The following GNG11 variants were observed in gnomAD, a reference collection of about 807,000 sequenced individuals.
GNG11 encodes G protein subunit gamma 11, also known as guanine nucleotide-binding protein G(I)/G(S)/G(O) subunit gamma-11.
In GNG11, 6 loss-of-function variants were observed where a neutral mutation model predicts 7.4. The ratio of observed to expected loss-of-function variants is 0.81; its 90% CI spans 0.44 to 1.60. The LOEUF (loss-of-function observed/expected upper bound fraction) is 1.60. Among genes scored for constraint, GNG11 ranks in the 40% most tolerant of loss-of-function variants. GNG11 has a pLI of 0.01. For missense variants in GNG11, 65 were observed against 83.0 expected (o/e 0.78, Z 0.84); for synonymous variants, 31 against 25.9 (o/e 1.20, Z -0.60).
In GNG11 at chr7:93,926,619, A is replaced by C. The variant is rs1794683530; in HGVS notation, c.*403A>C. 1 of 154,064 alleles carries C rather than the reference A, an allele frequency of 6.5e-6. No individual in the cohort carries two copies. Among genetic ancestry groups the C allele is most frequent in the Non-Finnish European group, 1.4e-5 (1 of 69,430 alleles). 9.5% of individuals were successfully genotyped at this position (154,064 alleles called of 1,614,324 possible). ...TATGATTGGGTTTGGAATATGATTC[A>C]GAAGGTTAGGTGGTTCGACAGATCA... On this transcript the variant is annotated 3_prime_UTR_variant, in exon 2 of 2. Coordinates refer to ENST00000248564, the MANE Select transcript of GNG11 (RefSeq NM_004126.4).
At chr7:93,926,035 G>T in intron 1 of GNG11, 56 bp from the exon 2 acceptor site, 2 of 1,089,364 alleles carry the variant, frequency 1.8e-6, no homozygotes, top group South Asian at 2.1e-5. Flanking sequence ...TAAGGCGTAG[G>T]GACAAAGTTT....
rs1210524658 is a variant in GNG11, at chr7:93,927,059, C to T, written c.*843C>T. 2 of 152,300 alleles carry T rather than the reference C, an allele frequency of 1.3e-5. No individual in the cohort carries two copies. The highest frequency in any genetic ancestry group is 2.9e-5 in the Non-Finnish European group (2 of 68,092). The allele number at this position is 152,300 out of a possible 1,614,324, so 9.4% of individuals were successfully genotyped here. A position where few individuals can be genotyped will look rare whatever the true frequency, so the allele number is the denominator to read the frequency against. On this transcript the variant is annotated 3_prime_UTR_variant, in exon 2 of 2. Coordinates refer to ENST00000248564, the MANE Select transcript of GNG11 (RefSeq NM_004126.4). ...TGGTGCAGACACTTGGACCTCTGCA[C>T]TCATGCTTGCCAGCATTTTCCAGCA...
In GNG11 at chr7:93,926,847, A is replaced by T. The variant is rs546234723; in HGVS notation, c.*631A>T. ...TTATCATCATTTAGATCTTCTTAAT[A>T]GTGTTCCTGTAGTAGTAGCCTTGAA... is the stretch of plus-strand genomic sequence containing the variant. On this transcript the variant is annotated 3_prime_UTR_variant, in exon 2 of 2. Coordinates refer to ENST00000248564, the MANE Select transcript of GNG11 (RefSeq NM_004126.4). 4 of 152,412 alleles carry T rather than the reference A, an allele frequency of 2.6e-5. No individual in the cohort carries two copies. The highest frequency in any genetic ancestry group is 9.6e-5 in the African/African-American group (4 of 41,592). The allele number at this position is 152,412 out of a possible 1,614,324, so 9.4% of individuals were successfully genotyped here. A position where few individuals can be genotyped will look rare whatever the true frequency, so the allele number is the denominator to read the frequency against.
At position 93,922,277 on chromosome 7, in the gene GNG11, A is replaced by G. The variant is rs552192720; in HGVS notation, c.96+44A>G. The G allele has an allele frequency of 2.8e-5, 34 of 1,210,242 alleles. 1 individual carries two copies. Among genetic ancestry groups the G allele is most frequent in the African/African-American group, 2.7e-4 (18 of 66,514 alleles). 75.0% of individuals were successfully genotyped at this position (1,210,242 alleles called of 1,614,324 possible). On this transcript the variant is annotated intron_variant, in intron 1 of 1. Transcript: ENST00000248564. ...AATATTTCCTTCTCTGAAATGAAGCAGGGTCCGATTTTTCCTGCTTAGTAA... is the reference window on the plus strand; with the variant it reads ...AATATTTCCTTCTCTGAAATGAAGCGGGGTCCGATTTTTCCTGCTTAGTAA...
chr7:93,925,112 C>T (rs987933894), intron 1 of GNG11, among the ~76,000 whole-genome samples: 1 of 151,982 alleles, frequency 6.6e-6, no homozygotes, highest in East Asian at 1.9e-4. Flanking sequence ...TGCAGTGAGC[C>T]GAGATCCTGC....
At chr7:93,922,476 T>C (rs967613029) in intron 1 of GNG11, among the ~76,000 whole-genome samples, 2 of 152,138 alleles carry the variant, frequency 1.3e-5, no homozygotes, top group Non-Finnish European at 2.9e-5. Context: ...TTAAGATGCC[T>C]AGGAAGGGGA....
Position 93,928,308 on chromosome 7 carries a change from C to A in GNG11, c.*2092C>A, listed in dbSNP as rs1794708551. On this transcript the variant is annotated 3_prime_UTR_variant, in exon 2 of 2. Transcript: ENST00000248564. ...CTTCTGGTTTTTCCTGAATAAATATCTAATCTTATAGGTGCTTCTATTAAA... is the reference window on the plus strand; with the variant it reads ...CTTCTGGTTTTTCCTGAATAAATATATAATCTTATAGGTGCTTCTATTAAA... The A allele has an allele frequency of 1.3e-5, 2 of 152,164 alleles. No individual in the cohort carries two copies. Among genetic ancestry groups the A allele is most frequent in the African/African-American group, 4.8e-5 (2 of 41,454 alleles). 9.4% of individuals were successfully genotyped at this position (152,164 alleles called of 1,614,324 possible).
rs745779888 is a variant in GNG11, at chr7:93,926,078, T to C, written c.97-13T>C. On this transcript the variant is annotated splice_polypyrimidine_tract_variant and intron_variant, in intron 1 of 1. Coordinates refer to ENST00000248564, the MANE Select transcript of GNG11 (RefSeq NM_004126.4). ...CCTAACCTAATGTATTCTCTTTTTT[T>C]TCTATACTTAAGGTGTCTAAATGTT... The C allele has an allele frequency of 4.8e-6, 7 of 1,465,170 alleles. No homozygotes were observed. The highest frequency in any genetic ancestry group is 2.9e-5 in the African/African-American group (2 of 70,146). The allele number at this position is 1,465,170 out of a possible 1,614,324, so 90.8% of individuals were successfully genotyped here. A position where few individuals can be genotyped will look rare whatever the true frequency, so the allele number is the denominator to read the frequency against.
intron 1 of GNG11, among the ~76,000 whole-genome samples, chr7:93,925,089 G>A (rs1423590317): frequency 6.6e-5 from 10 of 152,288 alleles, no homozygotes; most frequent in East Asian, 5.8e-4. Context: ...GCTAGAATCC[G>A]GGAGGCGGAG....
intron 1 of GNG11, 92 bp from the exon 2 acceptor site, chr7:93,925,999 A>C (rs180233): frequency 0.65 from 377,630 of 583,078 alleles, 125,594 homozygotes; most frequent in East Asian, 0.89. Context: ...TTAAAAACTT[A>C]TTGTATTCAA....
At chr7:93,925,145 T>C (rs566607895) in intron 1 of GNG11, among the ~76,000 whole-genome samples, 23 of 152,268 alleles carry the variant, frequency 1.5e-4, no homozygotes, top group South Asian at 4.1e-4. Flanking sequence ...GCCTGGGCAA[T>C]AGAGCAAGAC....
In GNG11 at chr7:93,928,286, C is replaced by G. The variant is rs1054262; in HGVS notation, c.*2070C>G. On this transcript the variant is annotated 3_prime_UTR_variant, in exon 2 of 2. Transcript: ENST00000248564. Reference sequence around the variant, plus strand: ...ATATGATCAATCAGTTGGACGACTTCTGGTTTTTCCTGAATAAATATCTAA... The same window carrying G: ...ATATGATCAATCAGTTGGACGACTTGTGGTTTTTCCTGAATAAATATCTAA... 6.6e-6 allele frequency: 1 copy of G among 152,160 alleles called. No individual in the cohort carries two copies. Among genetic ancestry groups the G allele is most frequent in the Non-Finnish European group, 1.5e-5 (1 of 68,040 alleles). The allele number at this position is 152,160 out of a possible 1,614,324, so 9.4% of individuals were successfully genotyped here. A position where few individuals can be genotyped will look rare whatever the true frequency, so the allele number is the denominator to read the frequency against.
intron 1 of GNG11, among the ~76,000 whole-genome samples, chr7:93,924,968 T>C (rs1794656251): frequency 6.6e-6 from 1 of 152,156 alleles, no homozygotes; most frequent in African/African-American, 2.4e-5. Context: ...ATCAAGACCA[T>C]GCTGGCTAAC....
In GNG11 at chr7:93,928,468, T is replaced by C. The variant is rs1794711252; in HGVS notation, c.*2252T>C. The C allele has an allele frequency of 6.6e-6, 1 of 152,206 alleles. No individual in the cohort carries two copies. Among genetic ancestry groups the C allele is most frequent in the African/African-American group, 2.4e-5 (1 of 41,466 alleles). The allele number at this position is 152,206 out of a possible 1,614,324, so 9.4% of individuals were successfully genotyped here. A position where few individuals can be genotyped will look rare whatever the true frequency, so the allele number is the denominator to read the frequency against. On this transcript the variant is annotated 3_prime_UTR_variant, in exon 2 of 2. Transcript: ENST00000248564. Reference sequence around the variant, plus strand: ...TTGTAATTAAAAAAGAAAAAATACATCCACTATATATTTAGATATATTGTA... The same window carrying C: ...TTGTAATTAAAAAAGAAAAAATACACCCACTATATATTTAGATATATTGTA...
At chr7:93,923,145 T>C (rs1794636863) in intron 1 of GNG11, among the ~76,000 whole-genome samples, 1 of 152,184 alleles carries the variant, frequency 6.6e-6, no homozygotes, top group Non-Finnish European at 1.5e-5. Flanking sequence ...TTTGAACTGA[T>C]CTTATTTATT....
intron 1 of GNG11, among the ~76,000 whole-genome samples, chr7:93,923,385 C>T (rs1391072208): frequency 2.0e-5 from 3 of 152,300 alleles, no homozygotes; most frequent in African/African-American, 7.2e-5. Flanking sequence ...TTATAATGAG[C>T]TGTCCCTTCT....
In GNG11 at chr7:93,927,561, C is replaced by T. The variant is rs1011237494; in HGVS notation, c.*1345C>T. On this transcript the variant is annotated 3_prime_UTR_variant, in exon 2 of 2. Coordinates refer to ENST00000248564, the MANE Select transcript of GNG11 (RefSeq NM_004126.4). ...GTGGCACCAGAAGCCAATGTTTCTC[C>T]TTGACTAGCTCTTTTCTCCCACTTA... 5.3e-5 allele frequency: 8 copies of T among 152,182 alleles called. No individual in the cohort carries two copies. Among genetic ancestry groups the T allele is most frequent in the African/African-American group, 1.9e-4 (8 of 41,428 alleles). 9.4% of individuals were successfully genotyped at this position (152,182 alleles called of 1,614,324 possible).
chr7:93,927,933 T>A lies in GNG11; in HGVS notation c.*1717T>A, dbSNP rs1187228589. On this transcript the variant is annotated 3_prime_UTR_variant, in exon 2 of 2. Coordinates refer to ENST00000248564, the MANE Select transcript of GNG11 (RefSeq NM_004126.4). ...ATTTCTTCCAAACAGCATAGAACTA[T>A]TAGTACTATTAGTCATTTAACATTT... 1.3e-5 allele frequency: 2 copies of A among 152,160 alleles called. No homozygotes were observed. The highest frequency in any genetic ancestry group is 2.9e-5 in the Non-Finnish European group (2 of 68,030). The allele number at this position is 152,160 out of a possible 1,614,324, so 9.4% of individuals were successfully genotyped here.
rs1232544054 is a variant in GNG11 at position 93,922,131 on chromosome 7, G to A, written c.-7G>A. ...AGAGCTAGCCCGAGCCCGGTTCTGG[G>A]GCGAAAATGCCTGCCCTTCACATCG... is the stretch of plus-strand genomic sequence containing the variant. On this transcript the variant is annotated 5_prime_UTR_variant, in exon 1 of 2. Transcript: ENST00000248564. The A allele has an allele frequency of 1.3e-6, 2 of 1,579,686 alleles. No individual in the cohort carries two copies. Among genetic ancestry groups the A allele is most frequent in the Non-Finnish European group, 1.7e-6 (2 of 1,155,464 alleles).
Sources: gnomAD v4.1 joint callset for allele counts (sites outside exome capture counted in the v4.1 genomes callset) on GRCh38, gnomAD v4.1.1 for gene constraint, MANE v1.5 for transcripts, NCBI Gene and HGNC (gene_info 2026-07-23, HGNC 2026-07-21) for gene names.